ICE2: variants seen among roughly 807,000 people sequenced by gnomAD.
ICE2 encodes the protein little elongation complex subunit 2.
Under a neutral mutation model 105.4 loss-of-function variants are expected in ICE2, and 87 were observed. The ratio of observed to expected loss-of-function variants is 0.83; its 90% confidence interval spans 0.69 to 0.99. The LOEUF is 0.99. Among genes scored for constraint, ICE2 ranks in the 50% least tolerant of loss-of-function variants. The pLI, the probability that ICE2 is intolerant of heterozygous loss-of-function variation, is 0.00. For missense variants in ICE2, 1,323 were observed against 1,146.7 expected (o/e 1.15, Z -2.22); for synonymous variants, 399 against 392.0 (o/e 1.02, Z -0.21).
Position 60,431,935 on chromosome 15 carries a change from T to C in ICE2, c.2560A>G (p.Ser854Gly). The change falls in exon 14 of 16, where the codon AGC becomes GGC. Residue 854 changes from serine (S) to glycine (G), a missense_variant and splice_region_variant. Coordinates refer to ENST00000261520, the MANE Select transcript of ICE2 (RefSeq NM_024611.6). The stretch of plus-strand genomic sequence containing the variant: ...GCAAAATGCCTAAAAAATACTTACC[T>C]ACTTAGTTTCTTTAGAATGTGTTGG... ...ILQHILKKLS[S>G]LQEGSYLLSH... The C allele has an allele frequency of 1.5e-6, 2 of 1,351,990 alleles. No homozygotes were observed. Among genetic ancestry groups the C allele is most frequent in the Non-Finnish European group, 2.1e-6 (2 of 963,442 alleles). 83.7% of individuals were successfully genotyped at this position (1,351,990 alleles called of 1,614,324 possible). A position where few individuals can be genotyped will look rare whatever the true frequency, so the allele number is the denominator to read the frequency against.
chr15:60,452,817 G>A (rs2063997426), intron 9 of ICE2: 1 of 966,302 alleles, frequency 1.0e-6, no homozygotes, highest in Admixed American at 6.2e-5. Flanking sequence ...TAGACACAGA[G>A]ATATTATGTA....
At chr15:60,444,470 T>C (rs564695186) in intron 11 of ICE2, among the ~76,000 whole-genome samples, 13 of 152,318 alleles carry the variant, frequency 8.5e-5, no homozygotes, top group Admixed American at 2.6e-4. Context: ...CTATAAAGTT[T>C]ACTATTTTTT....
chr15:60,440,445 A>G (rs1455893374), intron 12 of ICE2: 1 of 152,220 alleles, frequency 6.6e-6, no homozygotes. Context: ...GAAAAGATAA[A>G]AAGAGTACTG....
At chr15:60,451,753 G>T in intron 9 of ICE2, 1 of 324,460 alleles carries the variant, frequency 3.1e-6, no homozygotes, top group Non-Finnish European at 4.4e-6. Context: ...CCAGGCCCTT[G>T]GTGGAAAACT....
chr15:60,464,914 G>A (rs1413838607), intron 5 of ICE2, among the ~76,000 whole-genome samples: 24 of 152,118 alleles, frequency 1.6e-4, no homozygotes. Context: ...GAGCTGGGGA[G>A]GATCACTTGA....
At chr15:60,442,383 A>T in intron 12 of ICE2, 33 bp downstream of exon 12, 2 of 1,554,976 alleles carry the variant, frequency 1.3e-6, no homozygotes, top group Non-Finnish European at 8.7e-7. Context: ...CAAGAAAATT[A>T]AAAAGGAGAA....
At chr15:60,430,784 C>A (rs1038716521) in intron 14 of ICE2, among the ~76,000 whole-genome samples, 4 of 152,180 alleles carry the variant, frequency 2.6e-5, no homozygotes, top group Admixed American at 2.6e-4. Context: ...GGAATGCAAA[C>A]ATTCATATAA....
At chr15:60,431,591 G>T (rs1335142742) in intron 14 of ICE2, among the ~76,000 whole-genome samples, 1 of 152,126 alleles carries the variant, frequency 6.6e-6, no homozygotes, top group Non-Finnish European at 1.5e-5. Flanking sequence ...CTGACACCTT[G>T]ACTTTTACCC....
chr15:60,453,872 A>G, intron 8 of ICE2, 88 bp from the exon 9 acceptor site: 2 of 1,010,524 alleles, frequency 2.0e-6, no homozygotes, highest in South Asian at 1.6e-5. Flanking sequence ...GAGGATCACC[A>G]AACAAAGAGA....
At chr15:60,456,076 T>C (rs1193957101) in intron 6 of ICE2, among the ~76,000 whole-genome samples, 1 of 151,992 alleles carries the variant, frequency 6.6e-6, no homozygotes, top group African/African-American at 2.4e-5. Flanking sequence ...GGCTTTCTGC[T>C]TGTATTCAGG....
rs1294889390 is a variant in ICE2 at position 60,465,156 on chromosome 15, C to T, written c.528+1438G>A. On this transcript the variant is annotated intron_variant, in intron 5 of 15. Coordinates refer to ENST00000261520, the MANE Select transcript of ICE2 (RefSeq NM_024611.6). ...ATTTAGAAGAACCATTCTTCTGGTT[C>T]GTATTAACAGCAAAATTCTTCCTTA... is the stretch of plus-strand genomic sequence containing the variant. Among the ~76,000 whole-genome samples the T allele has an allele frequency of 2.0e-5, 3 of 151,964 alleles. No homozygotes were observed. The East Asian group carries it at 5.8e-4, about 29-fold the overall frequency.
intron 10 of ICE2, 107 bp from the exon 11 acceptor site, chr15:60,448,252 T>A: frequency 1.4e-6 from 1 of 714,822 alleles, no homozygotes; most frequent in Non-Finnish European, 2.2e-6. Flanking sequence ...CATCTTTAAT[T>A]TTCTACTTCT....
At chr15:60,462,894 C>G (rs371529329) in intron 5 of ICE2, among the ~76,000 whole-genome samples, 2 of 152,036 alleles carry the variant, frequency 1.3e-5, no homozygotes, top group Non-Finnish European at 2.9e-5. Flanking sequence ...ACTCTATGAC[C>G]GAATAATTCC....
intron 2 of ICE2, among the ~76,000 whole-genome samples, 166 bp downstream of exon 2, chr15:60,477,771 C>T (rs985861670): frequency 9.9e-5 from 15 of 152,214 alleles, no homozygotes; most frequent in Non-Finnish European, 1.8e-4. Context: ...TCAGCCATAA[C>T]TCTAGCATTC....
intron 6 of ICE2, 22 bp from the exon 7 acceptor site, chr15:60,455,464 T>A: frequency 6.8e-7 from 1 of 1,478,186 alleles, no homozygotes; most frequent in African/African-American, 1.4e-5. Context: ...AAAAAAATCA[T>A]TTTATTGCAA....
intron 9 of ICE2, chr15:60,451,225 TA>T (rs1024402014): frequency 7.0e-5 from 42 of 598,630 alleles, no homozygotes; most frequent in Non-Finnish European, 7.8e-5. Context: ...GTATGAATAA[TA>T]ATAAACGATG....
At chr15:60,476,299 C>G in intron 2 of ICE2, 132 bp from the exon 3 acceptor site, 1 of 612,940 alleles carries the variant, frequency 1.6e-6, no homozygotes, top group Admixed American at 3.3e-5. Flanking sequence ...TCTCTTCTTA[C>G]TATGTTTAAT....
chr15:60,443,786 G>A (rs1595767148), intron 11 of ICE2, among the ~76,000 whole-genome samples: 1 of 152,140 alleles, frequency 6.6e-6, no homozygotes, highest in African/African-American at 2.4e-5. Context: ...GAGCAAATAG[G>A]AGGTCGAGAT....
intron 2 of ICE2, among the ~76,000 whole-genome samples, chr15:60,477,151 CT>C (rs2064784473): frequency 2.0e-5 from 3 of 152,158 alleles, no homozygotes. Context: ...ATTAGAAAGT[CT>C]TATTTGCTAT....
Sources: allele counts gnomAD v4.1 joint callset (sites outside exome capture counted in the v4.1 genomes callset), GRCh38; gene constraint gnomAD v4.1.1; transcripts MANE v1.5; gene names NCBI Gene and HGNC (gene_info 2026-07-23, HGNC 2026-07-21).